The following SNX29 variants were observed in gnomAD, a reference collection of about 807,000 sequenced individuals.
SNX29 encodes the protein sorting nexin-29.
In SNX29, 78 loss-of-function variants were observed where a neutral mutation model predicts 102.1. That is an observed-to-expected ratio of 0.76 (90% CI 0.64 to 0.92). The LOEUF is 0.92. SNX29 is among the 40% of genes least tolerant of loss of function. The pLI, the probability that SNX29 is intolerant of heterozygous loss-of-function variation, is 0.00. For synonymous variants in SNX29, 580 were observed against 414.5 expected, an observed-to-expected ratio of 1.40 and a Z score of -4.85; for missense variants, 1,280 against 1,061.7, an observed-to-expected ratio of 1.21 and a Z score of -2.86.
intron 20 of SNX29, among the ~76,000 whole-genome samples, chr16:12,563,277 G>C (rs1473262376): frequency 6.6e-6 from 1 of 152,104 alleles, no homozygotes; most frequent in East Asian, 1.9e-4. Flanking sequence ...GGAACGTCGG[G>C]TTCTGGATCC....
At chr16:12,206,892 C>T (rs1311150974) in intron 14 of SNX29, among the ~76,000 whole-genome samples, 1 of 150,014 alleles carries the variant, frequency 6.7e-6, no homozygotes, top group African/African-American at 2.4e-5. Flanking sequence ...GAACCACTGC[C>T]TTGGAGGATA....
chr16:12,463,273 T>A (rs1211673849), intron 18 of SNX29, among the ~76,000 whole-genome samples: 1 of 152,114 alleles, frequency 6.6e-6, no homozygotes, highest in Non-Finnish European at 1.5e-5. Flanking sequence ...AGGCTAGAAG[T>A]TTTTCATTGC....
chr16:12,442,324 T>A (rs1179561546), intron 18 of SNX29, among the ~76,000 whole-genome samples: 1 of 152,228 alleles, frequency 6.6e-6, no homozygotes, highest in East Asian at 1.9e-4. Flanking sequence ...TTACTCTGGC[T>A]TATTAGGACG....
intron 20 of SNX29, among the ~76,000 whole-genome samples, chr16:12,558,963 C>T (rs755030093): frequency 1.3e-5 from 2 of 152,182 alleles, no homozygotes; most frequent in Non-Finnish European, 2.9e-5. Flanking sequence ...TTTCAGGTAA[C>T]AGAGGGATTC....
At chr16:12,550,179 T>A (rs1282699910) in intron 20 of SNX29, among the ~76,000 whole-genome samples, 1 of 152,210 alleles carries the variant, frequency 6.6e-6, no homozygotes, top group East Asian at 1.9e-4. Context: ...AAAATCTCCA[T>A]GACATTATTA....
chr16:12,060,030 A>C (rs2050704922), intron 8 of SNX29, among the ~76,000 whole-genome samples: 1 of 152,204 alleles, frequency 6.6e-6, no homozygotes, highest in Non-Finnish European at 1.5e-5. Flanking sequence ...TTATCTACTG[A>C]GATACAGAAT....
intron 15 of SNX29, among the ~76,000 whole-genome samples, chr16:12,321,858 CAGAG>C (rs1297406186): frequency 6.6e-6 from 1 of 152,154 alleles, no homozygotes; most frequent in Non-Finnish European, 1.5e-5. Flanking sequence ...GTGGGGAAGA[CAGAG>C]AGCCGGGGAT....
chr16:12,022,481 A>C (rs2057057992), intron 3 of SNX29, among the ~76,000 whole-genome samples: 1 of 152,174 alleles, frequency 6.6e-6, no homozygotes. Flanking sequence ...GATTACAGGC[A>C]TGAGCCACAA....
At chr16:12,475,062 T>A (rs954468802) in intron 18 of SNX29, among the ~76,000 whole-genome samples, 26 of 152,230 alleles carry the variant, frequency 1.7e-4, no homozygotes, top group African/African-American at 6.0e-4. Context: ...AGCTGCGCTA[T>A]TCGTAGACCT....
At chr16:12,034,992 C>T (rs1166556403) in intron 4 of SNX29, among the ~76,000 whole-genome samples, 1 of 151,498 alleles carries the variant, frequency 6.6e-6, no homozygotes, top group Non-Finnish European at 1.5e-5. Flanking sequence ...GCCTGGGCGA[C>T]AGAGCAAGAC....
intron 11 of SNX29, among the ~76,000 whole-genome samples, chr16:12,104,856 A>T (rs981213722): frequency 2.6e-5 from 4 of 152,272 alleles, no homozygotes; most frequent in Admixed American, 6.5e-5. Flanking sequence ...TTCCAGACAT[A>T]AGATCCAAAA....
chr16:12,294,046 C>A (rs1296466748), intron 15 of SNX29, among the ~76,000 whole-genome samples: 1 of 152,186 alleles, frequency 6.6e-6, no homozygotes, highest in Non-Finnish European at 1.5e-5. Context: ...CAGCCACTCT[C>A]CGGGGAGGAG....
chr16:12,240,136 G>A (rs150029287), intron 14 of SNX29, among the ~76,000 whole-genome samples: 221 of 152,294 alleles, frequency 1.5e-3, no homozygotes, highest in Non-Finnish European at 2.8e-3. Flanking sequence ...ACTTCCCACG[G>A]CTAGGCACTG....
chr16:12,356,879 A>G (rs1023085876), intron 16 of SNX29, among the ~76,000 whole-genome samples: 5 of 152,222 alleles, frequency 3.3e-5, no homozygotes, highest in Admixed American at 1.3e-4. Flanking sequence ...GACAACCACA[A>G]ATGTCTCCAG....
chr16:12,302,155 G>A (rs1235161188), intron 15 of SNX29, among the ~76,000 whole-genome samples: 1 of 152,124 alleles, frequency 6.6e-6, no homozygotes, highest in Non-Finnish European at 1.5e-5. Context: ...AGGGCCAGAG[G>A]GTGGATGTGT....
chr16:12,280,692 C>G (rs1022758301), intron 15 of SNX29, among the ~76,000 whole-genome samples: 6 of 152,204 alleles, frequency 3.9e-5, no homozygotes, highest in African/African-American at 1.4e-4. Flanking sequence ...GATCTTTCAT[C>G]TGTGAATAGC....
intron 20 of SNX29, among the ~76,000 whole-genome samples, chr16:12,526,207 G>A (rs967976930): frequency 2.4e-4 from 37 of 152,142 alleles, no homozygotes; most frequent in Admixed American, 4.6e-4. Flanking sequence ...GCTGTTTAAC[G>A]GTTGTTCTAA....
intron 19 of SNX29, among the ~76,000 whole-genome samples, chr16:12,481,550 A>AC: frequency 8.9e-6 from 1 of 111,754 alleles, no homozygotes; most frequent in East Asian, 2.3e-4. Flanking sequence ...ACACACACAC[A>AC]CACACCCCAA....
intron 20 of SNX29, chr16:12,557,292 C>T (rs988169661): frequency 6.6e-6 from 1 of 152,130 alleles, no homozygotes; most frequent in African/African-American, 2.4e-5. Flanking sequence ...AGACCTGGGA[C>T]CCTGTACAAT....
Sources: allele counts gnomAD v4.1 joint callset (sites outside exome capture counted in the v4.1 genomes callset), GRCh38; gene constraint gnomAD v4.1.1; transcripts MANE v1.5; gene names NCBI Gene and HGNC (gene_info 2026-07-23, HGNC 2026-07-21).